Variants in SDCCAG8 observed in about 807,000 individuals in gnomAD.
The protein encoded by SDCCAG8 is SHH signaling and ciliogenesis regulator SDCCAG8.
In SDCCAG8, 74 loss-of-function variants were observed where a neutral mutation model predicts 101.8. The observed-to-expected ratio is 0.73, with a 90% CI of 0.60 to 0.88. SDCCAG8 has a LOEUF of 0.88. Among genes scored for constraint, SDCCAG8 ranks in the 40% least tolerant of loss-of-function variants. The probability of loss-of-function intolerance (pLI) is 0.00; values close to 1 mark genes in which losing one functional copy is unlikely to be tolerated. For synonymous variants in SDCCAG8, 281 were observed against 292.9 expected (o/e 0.96, Z 0.41); for missense variants, 787 against 822.6 (o/e 0.96, Z 0.53).
At chr1:243,483,519 C>T (rs1221051506) in intron 16 of SDCCAG8, among the ~76,000 whole-genome samples, 1 of 152,164 alleles carries the variant, frequency 6.6e-6, no homozygotes, top group Non-Finnish European at 1.5e-5. Context: ...CCCCTCTCTC[C>T]TCCAGTGCCT....
chr1:243,329,526 T>C (rs965039319), intron 9 of SDCCAG8, among the ~76,000 whole-genome samples: 1 of 152,200 alleles, frequency 6.6e-6, no homozygotes, highest in East Asian at 1.9e-4. Context: ...TCATACAGCA[T>C]GTAAGTCACA....
intron 7 of SDCCAG8, chr1:243,306,639 G>A (rs2072161162): frequency 6.6e-6 from 1 of 151,980 alleles, no homozygotes; most frequent in Admixed American, 6.6e-5. Context: ...TTAGTAATGG[G>A]GACCCTTTGA....
In SDCCAG8 at chr1:243,426,635, G is replaced by A. The variant is rs553230183; in HGVS notation, c.1985+77G>A. The A allele has an allele frequency of 8.2e-5, 126 of 1,544,400 alleles. 1 individual carries two copies. The South Asian group carries it at 1.0e-3, about 12-fold the overall frequency. ...TTACACACTGAAGGGGAATTGCTGC[G>A]GAATAAGTAGAATTCATCATCATTA... On this transcript the variant is annotated intron_variant, in intron 16 of 17. Transcript: ENST00000366541.
At chr1:243,482,162 C>T (rs1024996346) in intron 16 of SDCCAG8, among the ~76,000 whole-genome samples, 21 of 152,174 alleles carry the variant, frequency 1.4e-4, no homozygotes, top group African/African-American at 4.1e-4. Context: ...CAGCTTGCAC[C>T]GCTTCTGTTT....
chr1:243,355,593 T>C (rs571515615), intron 12 of SDCCAG8, among the ~76,000 whole-genome samples: 1 of 152,280 alleles, frequency 6.6e-6, no homozygotes, highest in South Asian at 2.1e-4. Context: ...GACTCTTCTT[T>C]CTTTCTTTAT....
chr1:243,297,111 A>C (rs916063935), intron 6 of SDCCAG8, among the ~76,000 whole-genome samples: 8 of 152,034 alleles, frequency 5.3e-5, no homozygotes, highest in African/African-American at 1.7e-4. Context: ...ATGATCCTGA[A>C]TTTTCTGAAA....
chr1:243,340,810 A>G (rs2490397), intron 10 of SDCCAG8, among the ~76,000 whole-genome samples: 8 of 152,126 alleles, frequency 5.3e-5, no homozygotes, highest in Non-Finnish European at 8.8e-5. Context: ...CTTGTTATAC[A>G]TTTTTCAAAA....
At chr1:243,440,015 A>G (rs2082423458) in intron 16 of SDCCAG8, among the ~76,000 whole-genome samples, 1 of 152,172 alleles carries the variant, frequency 6.6e-6, no homozygotes. Flanking sequence ...TTGCTAATGG[A>G]GCATATGGTG....
At chr1:243,466,123 T>C (rs1178573438) in intron 16 of SDCCAG8, among the ~76,000 whole-genome samples, 1 of 152,034 alleles carries the variant, frequency 6.6e-6, no homozygotes. Flanking sequence ...GCAAAGGACT[T>C]TGGTTTTCAT....
At chr1:243,337,222 A>C (rs1387114984) in intron 10 of SDCCAG8, among the ~76,000 whole-genome samples, 1 of 152,238 alleles carries the variant, frequency 6.6e-6, no homozygotes, top group Non-Finnish European at 1.5e-5. Flanking sequence ...ATTCTTCTGC[A>C]TATGGCTAGC....
At chr1:243,469,997 C>CAA (rs59173777) in intron 16 of SDCCAG8, among the ~76,000 whole-genome samples, 6,446 of 141,744 alleles carry the variant, frequency 0.045, 448 homozygotes, top group African/African-American at 0.15. Context: ...TCTTTGTTAC[C>CAA]AAAAAAAAAA....
intron 11 of SDCCAG8, among the ~76,000 whole-genome samples, chr1:243,341,515 T>G (rs2075380663): frequency 6.6e-6 from 1 of 152,236 alleles, no homozygotes; most frequent in African/African-American, 2.4e-5. Flanking sequence ...CTAAATTAAT[T>G]AAGAGTGCTT....
intron 17 of SDCCAG8, 62 bp from the exon 18 acceptor site, chr1:243,499,694 A>C (rs1004137100): frequency 1.5e-6 from 2 of 1,318,530 alleles, no homozygotes; most frequent in African/African-American, 2.9e-5. Context: ...CCAGCAAATG[A>C]GAAGACAAAT....
chr1:243,463,744 T>C (rs1341928233), intron 16 of SDCCAG8, among the ~76,000 whole-genome samples: 1 of 152,242 alleles, frequency 6.6e-6, no homozygotes, highest in Non-Finnish European at 1.5e-5. Flanking sequence ...ATCTTCTCCC[T>C]GTCTTTGTGA....
chr1:243,318,952 G>A (rs2073509682), intron 9 of SDCCAG8, among the ~76,000 whole-genome samples: 1 of 152,176 alleles, frequency 6.6e-6, no homozygotes, highest in Admixed American at 6.5e-5. Flanking sequence ...ATAAAGAGAA[G>A]TAAGTGGTTT....
Position 243,415,777 on chromosome 1 carries a change from G to A in SDCCAG8, c.1692G>A (p.Glu564=), listed in dbSNP as rs2080533124. The change falls in exon 14 of 18, where the codon GAG becomes GAA. Residue 564 remains glutamate (E), a synonymous_variant. Coordinates refer to ENST00000366541, the MANE Select transcript of SDCCAG8 (RefSeq NM_006642.5). The stretch of plus-strand genomic sequence containing the variant: ...AAGCCCTTCAGGCCCAGCAAAGAGA[G>A]CAGGAGCTGACACAGAAGATACAGC... The part of the protein sequence containing the change: ...KAQALQAQQR[E]QELTQKIQQM... 1.9e-6 allele frequency: 3 copies of A among 1,613,668 alleles called. No homozygotes were observed. Among genetic ancestry groups the A allele is most frequent in the African/African-American group, 2.7e-5 (2 of 74,906 alleles).
chr1:243,271,176 A>T, intron 3 of SDCCAG8, 113 bp downstream of exon 3: 1 of 734,092 alleles, frequency 1.4e-6, no homozygotes, highest in South Asian at 1.5e-5. Context: ...ATAGTGAAAA[A>T]CATTAAAAGT....
chr1:243,333,266 T>C (rs1475312956), intron 10 of SDCCAG8, among the ~76,000 whole-genome samples: 2 of 152,224 alleles, frequency 1.3e-5, no homozygotes, highest in Non-Finnish European at 2.9e-5. Context: ...CTACAGTCTC[T>C]TTCTTATCCT....
chr1:243,495,498 C>T (rs762914748), intron 17 of SDCCAG8, among the ~76,000 whole-genome samples: 2 of 152,208 alleles, frequency 1.3e-5, no homozygotes, highest in South Asian at 2.1e-4. Flanking sequence ...GAAGAATGGC[C>T]GCTGCCCTGC....
Sources: allele counts gnomAD v4.1 joint callset (sites outside exome capture counted in the v4.1 genomes callset), GRCh38; gene constraint gnomAD v4.1.1; transcripts MANE v1.5; gene names NCBI Gene and HGNC (gene_info 2026-07-23, HGNC 2026-07-21).